Variants in SLC6A11 observed in about 807,000 individuals in gnomAD.
SLC6A11 encodes the protein solute carrier family 6 member 11, also known as sodium- and chloride-dependent GABA transporter 3.
Under a neutral mutation model 74.8 loss-of-function variants are expected in SLC6A11, and 25 were observed. The observed-to-expected ratio is 0.33, with a 90% confidence interval of 0.24 to 0.47. The LOEUF is 0.47. Among genes scored for constraint, SLC6A11 ranks in the 20% least tolerant of loss-of-function variants. The probability of loss-of-function intolerance (pLI) is 1.00; values close to 1 mark genes in which losing one functional copy is unlikely to be tolerated. For missense variants in SLC6A11, 574 were observed against 837.0 expected (o/e 0.69, Z 3.88); for synonymous variants, 330 against 330.2 (o/e 1.00, Z 0.01).
rs894091700 is a variant in SLC6A11 at position 10,885,600 on chromosome 3, A to C, written c.891+10505A>C. The stretch of plus-strand genomic sequence containing the variant: ...ATGCACAGGACAGCCCCCATGATAA[A>C]AAAAAAAAAAAAAAATCAGGTCCCA... On this transcript the variant is annotated intron_variant, in intron 6 of 13. Coordinates refer to ENST00000254488, the MANE Select transcript of SLC6A11 (RefSeq NM_014229.3). Among the ~76,000 whole-genome samples, 429 of 91,938 alleles carry C rather than the reference A, an allele frequency of 4.7e-3. 1 individual carries two copies. The highest frequency in any genetic ancestry group is 0.024 in the African/African-American group (415 of 17,470). 60.3% of individuals were successfully genotyped at this position (91,938 alleles called of 152,430 possible). A position where few individuals can be genotyped will look rare whatever the true frequency, so the allele number is the denominator to read the frequency against.
At chr3:10,869,968 C>G (rs781501448) in intron 5 of SLC6A11, among the ~76,000 whole-genome samples, 3 of 152,132 alleles carry the variant, frequency 2.0e-5, no homozygotes, top group Non-Finnish European at 4.4e-5. Flanking sequence ...GAACCTAACT[C>G]TGAGCATACC....
At chr3:10,929,704 T>G (rs58078300) in intron 10 of SLC6A11, among the ~76,000 whole-genome samples, 1,738 of 152,318 alleles carry the variant, frequency 0.011, 40 homozygotes, top group African/African-American at 0.04. Flanking sequence ...CATTTACCTA[T>G]GAGTGGTCTC....
chr3:10,906,266 A>G (rs1173030878), intron 6 of SLC6A11, among the ~76,000 whole-genome samples: 2 of 152,162 alleles, frequency 1.3e-5, no homozygotes, highest in African/African-American at 2.4e-5. Flanking sequence ...AAAAAAAATT[A>G]TTTTAACTTC....
At position 10,816,290 on chromosome 3, in the gene SLC6A11, C is replaced by T. The variant is rs899928887; in HGVS notation, c.25C>T (p.Leu9=). The T allele has an allele frequency of 8.7e-6, 12 of 1,387,280 alleles. No homozygotes were observed. The highest frequency in any genetic ancestry group is 1.1e-5 in the Non-Finnish European group (12 of 1,071,634). The allele number at this position is 1,387,280 out of a possible 1,614,324, so 85.9% of individuals were successfully genotyped here. The change falls in exon 1 of 14, where the codon CTG becomes TTG. Residue 9 remains leucine, a synonymous_variant. Coordinates refer to ENST00000254488, the MANE Select transcript of SLC6A11 (RefSeq NM_014229.3). This position sits in a 1 kb window ranked among gnomAD's most constrained non-coding sequence, Gnocchi z 4.2. The part of the protein sequence containing the change: MTAEKALP[L]GNGKAAEEAR... ...CATGACGGCGGAGAAGGCGCTGCCC[C>T]TGGGCAATGGGAAGGCTGCTGAGGA...
At chr3:10,927,655 G>C (rs921231552) in intron 9 of SLC6A11, among the ~76,000 whole-genome samples, 1 of 152,174 alleles carries the variant, frequency 6.6e-6, no homozygotes, top group Non-Finnish European at 1.5e-5. Flanking sequence ...AGAAAGGATA[G>C]ACAGAGCCAG....
In SLC6A11 at chr3:10,926,769, G is replaced by A. The variant is rs551364503; in HGVS notation, c.1233+653G>A. ...GTTGCCACACAGCACGCAGGCGCTC[G>A]CTTCCCGCACTGAGCACACTCCAGA... is the stretch of plus-strand genomic sequence containing the variant. On this transcript the variant is annotated intron_variant, in intron 9 of 13. Transcript: ENST00000254488. This position sits in a 1 kb window ranked among gnomAD's most constrained non-coding sequence, Gnocchi z 5.7. 1.7e-4 allele frequency among the ~76,000 whole-genome samples: 26 copies of A among 152,198 alleles called. No homozygotes were observed. Among genetic ancestry groups the A allele is most frequent in the Admixed American group, 3.9e-4 (6 of 15,296 alleles).
intron 11 of SLC6A11, 93 bp from the exon 12 acceptor site, chr3:10,933,973 G>T: frequency 1.3e-6 from 1 of 799,310 alleles, no homozygotes; most frequent in Non-Finnish European, 2.2e-6. Flanking sequence ...TCTGTCTCAG[G>T]CTGGAGAAAG....
chr3:10,934,929 C>G lies in SLC6A11; in HGVS notation c.1576-100C>G, dbSNP rs1695738427. The G allele has an allele frequency of 2.8e-6, 3 of 1,054,550 alleles. No individual in the cohort carries two copies. The East Asian group carries it at 7.2e-5, about 25-fold the overall frequency. 65.3% of individuals were successfully genotyped at this position (1,054,550 alleles called of 1,614,324 possible). On this transcript the variant is annotated intron_variant, in intron 12 of 13. Coordinates refer to ENST00000254488, the MANE Select transcript of SLC6A11 (RefSeq NM_014229.3). ...TGTGAAACAGGGCCAGCTTCCTCCC[C>G]TGCCAGCCTCTGGCTAGTCTGTTCC...
intron 4 of SLC6A11, among the ~76,000 whole-genome samples, chr3:10,842,043 G>A (rs745721417): frequency 1.3e-5 from 2 of 152,318 alleles, no homozygotes; most frequent in South Asian, 2.1e-4. Flanking sequence ...TGGTGGCCGT[G>A]TGTAAGGCAG....
intron 5 of SLC6A11, among the ~76,000 whole-genome samples, chr3:10,871,487 T>A (rs1353324618): frequency 3.9e-5 from 6 of 152,052 alleles, no homozygotes; most frequent in Admixed American, 3.9e-4. Context: ...ATGAAAGCAA[T>A]GGGTTATTAG....
At chr3:10,914,467 C>T (rs1695428604) in intron 7 of SLC6A11, among the ~76,000 whole-genome samples, 1 of 151,910 alleles carries the variant, frequency 6.6e-6, no homozygotes. Context: ...GAAATCAAGA[C>T]AATGGGGAAG....
chr3:10,935,954 A>G (rs1334214320), intron 13 of SLC6A11, among the ~76,000 whole-genome samples: 1 of 151,816 alleles, frequency 6.6e-6, no homozygotes, highest in Non-Finnish European at 1.5e-5. Context: ...GTCTCTGTGG[A>G]TTTGCCTACC....
intron 5 of SLC6A11, among the ~76,000 whole-genome samples, chr3:10,867,749 C>T (rs1247871266): frequency 1.3e-5 from 2 of 152,240 alleles, no homozygotes; most frequent in East Asian, 1.9e-4. Flanking sequence ...TGAGACAGCT[C>T]TTCCCTTTTC....
chr3:10,894,375 A>G (rs533455094), intron 6 of SLC6A11, among the ~76,000 whole-genome samples: 75 of 152,316 alleles, frequency 4.9e-4, no homozygotes, highest in African/African-American at 1.7e-3. Context: ...CAGGTCAGTG[A>G]GTGTCAAGCA....
chr3:10,904,628 G>A (rs1013988803), intron 6 of SLC6A11, among the ~76,000 whole-genome samples: 1 of 152,264 alleles, frequency 6.6e-6, no homozygotes, highest in Non-Finnish European at 1.5e-5. Context: ...CCTTTGTAGC[G>A]TCCTGGGAGA....
intron 6 of SLC6A11, among the ~76,000 whole-genome samples, chr3:10,909,505 A>G (rs1695357107): frequency 6.6e-6 from 1 of 152,166 alleles, no homozygotes. Context: ...GGTCCACTCC[A>G]CTGAGTGACG....
At chr3:10,867,549 C>G (rs571436253) in intron 5 of SLC6A11, among the ~76,000 whole-genome samples, 4 of 152,200 alleles carry the variant, frequency 2.6e-5, no homozygotes, top group Non-Finnish European at 4.4e-5. Flanking sequence ...AACCCAAATC[C>G]GTGTCAGGAC....
chr3:10,887,940 AC>A (rs1357522941), intron 6 of SLC6A11, among the ~76,000 whole-genome samples: 2 of 152,200 alleles, frequency 1.3e-5, no homozygotes, highest in Non-Finnish European at 2.9e-5. Context: ...TTCATTAAGA[AC>A]CTTGACTGCA....
intron 5 of SLC6A11, among the ~76,000 whole-genome samples, chr3:10,848,616 T>C (rs1432282608): frequency 6.6e-6 from 1 of 152,240 alleles, no homozygotes. Context: ...ATTCCCCCTG[T>C]GCTTTGGGCT....
Sources: gnomAD v4.1 joint callset for allele counts (sites outside exome capture counted in the v4.1 genomes callset) on GRCh38, gnomAD v4.1.1 for gene constraint, Gnocchi (gnomAD v3.1) non-coding constraint, MANE v1.5 for transcripts, NCBI Gene and HGNC (gene_info 2026-07-23, HGNC 2026-07-21) for gene names.